The following CDC123 variants were observed in gnomAD, a reference collection of about 807,000 sequenced individuals.
CDC123 encodes the protein translation initiation factor eIF2 assembly protein.
Under a neutral mutation model 54.4 loss-of-function variants are expected in CDC123, and 37 were observed. The observed-to-expected ratio is 0.68, with a 90% CI of 0.52 to 0.89. CDC123 has a LOEUF of 0.89. Ranked by LOEUF, CDC123 falls within the 40% of genes least tolerant of loss-of-function variation. The probability of loss-of-function intolerance (pLI) is 0.00; values close to 1 mark genes in which losing one functional copy is unlikely to be tolerated. For synonymous variants in CDC123, 144 were observed against 136.8 expected, an observed-to-expected ratio of 1.05 and a Z score of -0.37; for missense variants, 361 against 412.1, an observed-to-expected ratio of 0.88 and a Z score of 1.07.
chr10:12,206,898 G>T (rs1835529722), intron 2 of CDC123, among the ~76,000 whole-genome samples: 1 of 146,470 alleles, frequency 6.8e-6, no homozygotes, highest in Non-Finnish European at 1.5e-5. Context: ...GGTAGACCTT[G>T]CAATGAGCTG....
At chr10:12,230,108 G>A (rs1266640449) in intron 6 of CDC123, among the ~76,000 whole-genome samples, 2 of 152,076 alleles carry the variant, frequency 1.3e-5, no homozygotes, top group Admixed American at 6.5e-5. Context: ...GGTTATAATA[G>A]CCCATAACAT....
At position 12,246,257 on chromosome 10, in the gene CDC123, G is replaced by A; in HGVS notation, c.826G>A (p.Glu276Lys). The change falls in exon 11 of 13, where the codon GAA (glutamate) becomes AAA (lysine). Residue 276 changes from glutamate (E) to lysine (K), a missense_variant. Glu to Lys is a moderately conservative substitution (Grantham distance 56). Coordinates refer to ENST00000281141, the MANE Select transcript of CDC123 (RefSeq NM_006023.3). ...SENNLNGDFS[E>K]VDAQEQDSPA... is the part of the protein sequence containing the mutation. ...GAACAACTTAAACGGCGATTTTAGTGAAGTTGACGCTCAAGAGCAGGTACA... is the reference window on the plus strand; with the variant it reads ...GAACAACTTAAACGGCGATTTTAGTAAAGTTGACGCTCAAGAGCAGGTACA... 1 of 1,614,174 alleles carries A rather than the reference G, an allele frequency of 6.2e-7. No individual in the cohort carries two copies. Among genetic ancestry groups the A allele is most frequent in the East Asian group, 2.2e-5 (1 of 44,882 alleles).
intron 4 of CDC123, among the ~76,000 whole-genome samples, chr10:12,214,501 T>C (rs188525679): frequency 1.1e-4 from 17 of 152,356 alleles, no homozygotes; most frequent in Middle Eastern, 3.4e-3. Flanking sequence ...TGAAGTCGTC[T>C]AGTGGAAGAT....
At chr10:12,221,940 C>T (rs182811228) in intron 6 of CDC123, among the ~76,000 whole-genome samples, 71 of 152,252 alleles carry the variant, frequency 4.7e-4, no homozygotes, top group African/African-American at 1.4e-3. Context: ...CACAAGCATG[C>T]GTCAGGGTTA....
intron 8 of CDC123, among the ~76,000 whole-genome samples, chr10:12,235,783 A>G (rs1040907039): frequency 1.3e-5 from 2 of 152,222 alleles, no homozygotes; most frequent in Non-Finnish European, 2.9e-5. Context: ...CACCTGAAAG[A>G]AAGTTGGGGT....
intron 10 of CDC123, 60 bp downstream of exon 10, chr10:12,238,545 A>G: frequency 6.3e-7 from 1 of 1,578,250 alleles, no homozygotes; most frequent in Non-Finnish European, 8.6e-7. Flanking sequence ...AAGCAGGCAG[A>G]GCATGCCTTT....
intron 8 of CDC123, among the ~76,000 whole-genome samples, chr10:12,235,786 G>A (rs1374127876): frequency 6.6e-6 from 1 of 152,226 alleles, no homozygotes; most frequent in Non-Finnish European, 1.5e-5. Flanking sequence ...CTGAAAGAAA[G>A]TTGGGGTGTT....
At chr10:12,227,620 C>T (rs1835843841) in intron 6 of CDC123, among the ~76,000 whole-genome samples, 2 of 151,966 alleles carry the variant, frequency 1.3e-5, no homozygotes, top group African/African-American at 2.4e-5. Flanking sequence ...GCCTCAGCCT[C>T]CCAAGTAGCT....
intron 6 of CDC123, among the ~76,000 whole-genome samples, chr10:12,230,705 C>G (rs1461821477): frequency 6.6e-6 from 1 of 152,172 alleles, no homozygotes; most frequent in Non-Finnish European, 1.5e-5. Context: ...AGAAATGATC[C>G]TGGAAGGTAC....
chr10:12,248,233 C>T (rs936969335), intron 11 of CDC123, among the ~76,000 whole-genome samples: 7 of 152,168 alleles, frequency 4.6e-5, no homozygotes, highest in African/African-American at 1.7e-4. Flanking sequence ...TTGGGCCAGA[C>T]GTAGTGGCTC....
chr10:12,230,852 TA>T, intron 6 of CDC123, 95 bp from the exon 7 acceptor site: 2 of 1,169,300 alleles, frequency 1.7e-6, no homozygotes, highest in African/African-American at 1.5e-5. Flanking sequence ...ATGCTTTTAG[TA>T]AAACGTTACT....
At chr10:12,238,849 G>C (rs575963747) in intron 10 of CDC123, among the ~76,000 whole-genome samples, 2 of 151,956 alleles carry the variant, frequency 1.3e-5, no homozygotes, top group Non-Finnish European at 2.9e-5. Context: ...GTGAAACTCC[G>C]TCTCTACTAA....
intron 10 of CDC123, among the ~76,000 whole-genome samples, chr10:12,239,394 C>T (rs1266101166): frequency 1.3e-5 from 2 of 152,254 alleles, no homozygotes; most frequent in South Asian, 2.1e-4. Context: ...TTAAATTTGG[C>T]CAGGAGTTTG....
At chr10:12,248,678 T>C (rs1481230308) in intron 11 of CDC123, among the ~76,000 whole-genome samples, 1 of 151,798 alleles carries the variant, frequency 6.6e-6, no homozygotes, top group Non-Finnish European at 1.5e-5. Flanking sequence ...TGGTGGTGCA[T>C]GCCTGTAATC....
At chr10:12,228,054 G>A (rs1371834449) in intron 6 of CDC123, among the ~76,000 whole-genome samples, 1 of 152,042 alleles carries the variant, frequency 6.6e-6, no homozygotes, top group Non-Finnish European at 1.5e-5. Context: ...TCCCGCCTCA[G>A]CCTTCTGAGT....
rs1381961575 is a variant in CDC123 at position 12,249,709 on chromosome 10, C to G, written c.975C>G (p.Phe325Leu). The G allele has an allele frequency of 1.5e-5, 24 of 1,608,780 alleles. No homozygotes were observed. Among genetic ancestry groups the G allele is most frequent in the Non-Finnish European group, 2.0e-5 (24 of 1,178,684 alleles). ...TGEDAHKLID[F>L]LKLKRNQQED... ...AGGACGCTCACAAGCTAATAGACTTCCTTAAGCTGGTAAAGTCTATGTGCA... is the reference window on the plus strand; with the variant it reads ...AGGACGCTCACAAGCTAATAGACTTGCTTAAGCTGGTAAAGTCTATGTGCA... The change falls in exon 12 of 13, where the codon TTC becomes TTG. Residue 325 changes from phenylalanine (F) to leucine (L), a missense_variant. Physicochemically the swap from Phe to Leu is conservative, Grantham distance 22. Coordinates refer to ENST00000281141, the MANE Select transcript of CDC123 (RefSeq NM_006023.3).
chr10:12,235,225 C>CA, intron 8 of CDC123, 102 bp downstream of exon 8: 1 of 960,888 alleles, frequency 1.0e-6, no homozygotes, highest in African/African-American at 1.6e-5. Flanking sequence ...ACAGGGATGT[C>CA]AATCTGTTTT....
intron 4 of CDC123, 110 bp downstream of exon 4, chr10:12,210,432 A>G: frequency 7.8e-7 from 1 of 1,278,064 alleles, no homozygotes; most frequent in Non-Finnish European, 1.1e-6. Flanking sequence ...TCACCATCTC[A>G]TATATTATTT....
chr10:12,224,934 G>A (rs780408872), intron 6 of CDC123, among the ~76,000 whole-genome samples: 4 of 152,088 alleles, frequency 2.6e-5, no homozygotes, highest in East Asian at 1.9e-4. Flanking sequence ...CTTGGGGTCC[G>A]AGCTGCTCCA....
Sources: allele counts gnomAD v4.1 joint callset (sites outside exome capture counted in the v4.1 genomes callset), GRCh38; gene constraint gnomAD v4.1.1; transcripts MANE v1.5; gene names NCBI Gene and HGNC (gene_info 2026-07-23, HGNC 2026-07-21).